CERS4: variants seen among roughly 807,000 people sequenced by gnomAD.
CERS4 encodes the protein ceramide synthase 4.
A neutral mutation model predicts 51.8 loss-of-function variants in CERS4; 65 were observed. The observed-to-expected ratio is 1.26, with a 90% CI of 1.03 to 1.54. The LOEUF is 1.54. Among genes scored for constraint, CERS4 ranks in the 40% most tolerant of loss-of-function variants. The pLI is 0.00. For synonymous variants in CERS4, 228 were observed against 208.4 expected (o/e 1.09, Z -0.81); for missense variants, 563 against 500.4 (o/e 1.13, Z -1.19).
At chr19:8,245,431 TG>T (rs1377501276) in intron 2 of CERS4, among the ~76,000 whole-genome samples, 3 of 151,304 alleles carry the variant, frequency 2.0e-5, no homozygotes, top group Non-Finnish European at 4.4e-5. Context: ...TTGTATTTTT[TG>T]TAGAGACAGT....
At chr19:8,252,999 C>T (rs1016990925) in intron 3 of CERS4, among the ~76,000 whole-genome samples, 1 of 152,192 alleles carries the variant, frequency 6.6e-6, no homozygotes, top group Non-Finnish European at 1.5e-5. Context: ...GCCAATGTAT[C>T]ACATGGACTT....
chr19:8,260,328 G>A (rs1212050372), intron 10 of CERS4, among the ~76,000 whole-genome samples: 2 of 151,244 alleles, frequency 1.3e-5, no homozygotes, highest in East Asian at 3.9e-4. Flanking sequence ...CTGAGTAGCT[G>A]GAATTATAGG....
chr19:8,240,043 G>A (rs1241844753), intron 2 of CERS4, among the ~76,000 whole-genome samples: 1 of 152,096 alleles, frequency 6.6e-6, no homozygotes, highest in Admixed American at 6.6e-5. Context: ...TGGCCTCTTT[G>A]GTGGTAGTCT....
intron 2 of CERS4, among the ~76,000 whole-genome samples, chr19:8,249,167 ATGGG>A (rs762617237): frequency 1.5e-5 from 2 of 135,532 alleles, no homozygotes; most frequent in South Asian, 5.0e-4. Flanking sequence ...TGGATGGATG[ATGGG>A]TGGGTGGACA....
intron 10 of CERS4, chr19:8,261,342 G>A: frequency 3.6e-6 from 1 of 276,296 alleles, no homozygotes; most frequent in Non-Finnish European, 6.9e-6. Context: ...AGGTGAGTAG[G>A]CAGTCGCCTG....
At chr19:8,224,406 CAA>C (rs34399032) in intron 2 of CERS4, among the ~76,000 whole-genome samples, 144 of 104,424 alleles carry the variant, frequency 1.4e-3, no homozygotes, top group Middle Eastern at 5.5e-3. Context: ...GACTCCATCG[CAA>C]AAAAAAAAAA....
At chr19:8,256,114 A>C in intron 6 of CERS4, 122 bp from the exon 7 acceptor site, 2 of 1,150,730 alleles carry the variant, frequency 1.7e-6, no homozygotes, top group Non-Finnish European at 2.5e-6. Flanking sequence ...GAAGCAGGAA[A>C]AAGCAGGGCT....
Position 8,255,898 on chromosome 19 carries a change from AGCTGACT to A in CERS4, c.468+23_468+29del, listed in dbSNP as rs751499587. 1.4e-5 allele frequency: 23 copies of A among 1,613,012 alleles called. No individual in the cohort carries two copies. Among genetic ancestry groups the A allele is most frequent in the Non-Finnish European group, 1.8e-5 (21 of 1,179,634 alleles). On this transcript the variant is annotated intron_variant, in intron 6 of 11. Coordinates refer to ENST00000251363, the MANE Select transcript of CERS4 (RefSeq NM_024552.3). ...GTACCACGTGAGTATACCAGAGTATAGCTGACTGCTCACCTGCCCCATCCACCTGGCC... is the reference window on the plus strand; with the variant it reads ...GTACCACGTGAGTATACCAGAGTATAGCTCACCTGCCCCATCCACCTGGCC...
At chr19:8,231,523 TG>T (rs1269756738) in intron 2 of CERS4, among the ~76,000 whole-genome samples, 1 of 152,004 alleles carries the variant, frequency 6.6e-6, no homozygotes, top group African/African-American at 2.4e-5. Flanking sequence ...ATGTAGAATA[TG>T]GGGCTTTCCA....
intron 2 of CERS4, among the ~76,000 whole-genome samples, chr19:8,227,898 T>C (rs1967850993): frequency 6.6e-6 from 1 of 152,080 alleles, no homozygotes; most frequent in Non-Finnish European, 1.5e-5. Flanking sequence ...AGTCTCACTA[T>C]GTTGCTGGGC....
chr19:8,246,923 T>C (rs1226635824), intron 2 of CERS4, among the ~76,000 whole-genome samples: 1 of 152,086 alleles, frequency 6.6e-6, no homozygotes, highest in African/African-American at 2.4e-5. Flanking sequence ...CCCAGCACTT[T>C]GGGAGGCTGA....
chr19:8,250,939 T>C (rs1357938078), intron 2 of CERS4, 137 bp from the exon 3 acceptor site: 25 of 1,465,614 alleles, frequency 1.7e-5, no homozygotes, highest in Non-Finnish European at 2.0e-5. Context: ...AGTTCCATCT[T>C]CCAGTCCTGC....
intron 2 of CERS4, among the ~76,000 whole-genome samples, chr19:8,246,512 C>T (rs546732268): frequency 3.3e-5 from 5 of 151,974 alleles, no homozygotes; most frequent in South Asian, 4.2e-4. Flanking sequence ...GAGCCATGAT[C>T]GCTGCATTCC....
chr19:8,261,670 C>CT lies in CERS4; in HGVS notation c.849-17dup. 6.2e-7 allele frequency: 1 copy of CT among 1,613,628 alleles called. No individual in the cohort carries two copies. The highest frequency in any genetic ancestry group is 8.5e-7 in the Non-Finnish European group (1 of 1,179,786). On this transcript the variant is annotated splice_polypyrimidine_tract_variant and intron_variant, in intron 10 of 11. Coordinates refer to ENST00000251363, the MANE Select transcript of CERS4 (RefSeq NM_024552.3). ...CGGCTGGTCAAACCCCAGCCTCCTCCTCTCCCCCTGGCTGTAGGATCCTCT... is the reference window on the plus strand; with the variant it reads ...CGGCTGGTCAAACCCCAGCCTCCTCCTTCTCCCCCTGGCTGTAGGATCCTCT...
intron 2 of CERS4, among the ~76,000 whole-genome samples, chr19:8,234,222 C>T (rs970301325): frequency 1.6e-4 from 25 of 152,058 alleles, no homozygotes; most frequent in Non-Finnish European, 2.4e-4. Context: ...AGGAGAATGG[C>T]GTGAACCCAG....
At chr19:8,247,065 C>G (rs1344607809) in intron 2 of CERS4, among the ~76,000 whole-genome samples, 2 of 152,186 alleles carry the variant, frequency 1.3e-5, no homozygotes, top group Non-Finnish European at 2.9e-5. Context: ...ACTCGGGAGA[C>G]TGAGGCACGA....
intron 6 of CERS4, 150 bp from the exon 7 acceptor site, chr19:8,256,085 GC>G: frequency 4.1e-6 from 4 of 965,206 alleles, no homozygotes; most frequent in South Asian, 1.6e-5. Flanking sequence ...CAGTGAATGA[GC>G]CCCCCAGTCG....
chr19:8,243,730 A>C (rs776126328), intron 2 of CERS4, among the ~76,000 whole-genome samples: 60 of 151,760 alleles, frequency 4.0e-4, no homozygotes, highest in Non-Finnish European at 8.1e-4. Flanking sequence ...CATGGATTTC[A>C]ACAGCAGCCA....
intron 2 of CERS4, among the ~76,000 whole-genome samples, chr19:8,246,567 C>A (rs1340732285): frequency 6.6e-6 from 1 of 151,906 alleles, no homozygotes; most frequent in Non-Finnish European, 1.5e-5. Flanking sequence ...AACAAAAAGT[C>A]TGCATTTCAC....
Sources: gnomAD v4.1 joint callset for allele counts (sites outside exome capture counted in the v4.1 genomes callset) on GRCh38, gnomAD v4.1.1 for gene constraint, MANE v1.5 for transcripts, NCBI Gene and HGNC (gene_info 2026-07-23, HGNC 2026-07-21) for gene names.